Variants in CCSER1 observed in about 807,000 individuals in gnomAD.
The protein encoded by CCSER1 is serine-rich coiled-coil domain-containing protein 1.
A neutral mutation model predicts 82.0 loss-of-function variants in CCSER1; 41 were observed. The ratio of observed to expected loss-of-function variants is 0.50; its 90% confidence interval spans 0.39 to 0.65. The LOEUF is 0.65. Ranked by LOEUF, CCSER1 falls within the 30% of genes least tolerant of loss-of-function variation. The pLI, the probability that CCSER1 is intolerant of heterozygous loss-of-function variation, is 0.00. For synonymous variants in CCSER1, 414 were observed against 383.9 expected (o/e 1.08, Z -0.92); for missense variants, 1,119 against 1,064.2 (o/e 1.05, Z -0.72).
chr4:91,512,802 A>G (rs1759897513), intron 10 of CCSER1, among the ~76,000 whole-genome samples: 1 of 152,138 alleles, frequency 6.6e-6, no homozygotes, highest in East Asian at 1.9e-4. Context: ...CTATTTTTGT[A>G]CATTGATTTT....
At chr4:91,135,299 T>C (rs180773299) in intron 10 of CCSER1, among the ~76,000 whole-genome samples, 4 of 152,192 alleles carry the variant, frequency 2.6e-5, no homozygotes, top group Non-Finnish European at 5.9e-5. Flanking sequence ...GCCATGCTCT[T>C]AAAGAAGTAT....
At chr4:91,192,493 C>T (rs1735085850) in intron 10 of CCSER1, among the ~76,000 whole-genome samples, 1 of 152,144 alleles carries the variant, frequency 6.6e-6, no homozygotes, top group Admixed American at 6.6e-5. Flanking sequence ...AGGAAATTAT[C>T]TATTTTACTT....
At chr4:90,253,980 G>T (rs1277821830) in intron 1 of CCSER1, among the ~76,000 whole-genome samples, 1 of 152,108 alleles carries the variant, frequency 6.6e-6, no homozygotes, top group African/African-American at 2.4e-5. Flanking sequence ...ATTAAATTTA[G>T]GCACCTTTGC....
intron 10 of CCSER1, among the ~76,000 whole-genome samples, chr4:91,297,304 T>C (rs1744259474): frequency 6.6e-6 from 1 of 151,442 alleles, no homozygotes; most frequent in South Asian, 2.1e-4. Flanking sequence ...CAGTAAACAG[T>C]TTCCCCAAAG....
chr4:91,061,096 C>T (rs1743910701), intron 9 of CCSER1, among the ~76,000 whole-genome samples: 1 of 151,922 alleles, frequency 6.6e-6, no homozygotes, highest in South Asian at 2.1e-4. Flanking sequence ...TATGCTCATA[C>T]TCCTAAATAA....
rs115549149 is a variant in CCSER1 at position 91,030,353 on chromosome 4, G to A, written c.2173-55597G>A. On this transcript the variant is annotated intron_variant, in intron 9 of 10. Transcript: ENST00000509176. ...ACTGTATTCAATATAAAAACTACAA[G>A]CACACATAGCTATTGAGCACTTGAA... Among the ~76,000 whole-genome samples, 780 of 152,230 alleles carry A rather than the reference G, an allele frequency of 5.1e-3. 4 individuals carry two copies. Among genetic ancestry groups the A allele is most frequent in the Non-Finnish European group, 7.5e-3 (507 of 68,010 alleles).
intron 6 of CCSER1, among the ~76,000 whole-genome samples, chr4:90,640,331 T>A (rs1056878683): frequency 2.0e-5 from 3 of 152,120 alleles, no homozygotes; most frequent in Non-Finnish European, 2.9e-5. Context: ...ATAATAGATG[T>A]CCTGAGTTTT....
chr4:91,417,487 T>C (rs1753436798), intron 10 of CCSER1, among the ~76,000 whole-genome samples: 3 of 152,168 alleles, frequency 2.0e-5, no homozygotes. Context: ...GTGGTACATA[T>C]ATACCATGGA....
chr4:90,298,682 TGG>T (rs1732491845), intron 1 of CCSER1, among the ~76,000 whole-genome samples: 1 of 152,122 alleles, frequency 6.6e-6, no homozygotes, highest in Non-Finnish European at 1.5e-5. Flanking sequence ...CCAGAGATTC[TGG>T]TATGTTGTGT....
chr4:90,344,237 C>T (rs531452362), intron 3 of CCSER1, among the ~76,000 whole-genome samples: 8 of 152,298 alleles, frequency 5.3e-5, no homozygotes, highest in African/African-American at 1.7e-4. Context: ...TTTTTACAGT[C>T]GAATAGTACT....
In CCSER1 at chr4:91,284,842, A is replaced by C. The variant is rs72670929; in HGVS notation, c.2217+198848A>C. On this transcript the variant is annotated intron_variant, in intron 10 of 10. Transcript: ENST00000509176. Reference sequence around the variant, plus strand: ...TTTTCTTCACTATTGGCAGAAAAAAACATATGAGTTGATGACATTCACTGA... The same window carrying C: ...TTTTCTTCACTATTGGCAGAAAAAACCATATGAGTTGATGACATTCACTGA... 8.8e-3 allele frequency among the ~76,000 whole-genome samples: 1,343 copies of C among 152,236 alleles called. 9 individuals are homozygous for C. The highest frequency in any genetic ancestry group is 0.015 in the Non-Finnish European group (987 of 67,984).
At chr4:90,266,710 G>A (rs1725294369) in intron 1 of CCSER1, among the ~76,000 whole-genome samples, 1 of 151,966 alleles carries the variant, frequency 6.6e-6, no homozygotes, top group Admixed American at 6.6e-5. Flanking sequence ...GAACTCAGCT[G>A]GTACCCATGG....
intron 5 of CCSER1, among the ~76,000 whole-genome samples, chr4:90,502,786 C>A (rs754253722): frequency 3.3e-5 from 5 of 152,150 alleles, no homozygotes; most frequent in African/African-American, 7.2e-5. Context: ...ACACAGAGCT[C>A]TTTTAAAAAT....
chr4:91,353,367 G>T (rs1748610176), intron 10 of CCSER1, among the ~76,000 whole-genome samples: 2 of 152,186 alleles, frequency 1.3e-5, no homozygotes, highest in African/African-American at 4.8e-5. Flanking sequence ...ACAGGGCAGG[G>T]AGTTTCACGA....
At chr4:90,750,377 G>A (rs373332855) in intron 7 of CCSER1, among the ~76,000 whole-genome samples, 3 of 152,070 alleles carry the variant, frequency 2.0e-5, no homozygotes, top group Non-Finnish European at 4.4e-5. Flanking sequence ...GGTGCATGGA[G>A]TACTTTTAGC....
intron 4 of CCSER1, among the ~76,000 whole-genome samples, chr4:90,409,112 A>G (rs1021608782): frequency 1.3e-5 from 2 of 152,220 alleles, no homozygotes; most frequent in African/African-American, 4.8e-5. Flanking sequence ...CAAAGCCTCC[A>G]AGAAATATGG....
chr4:90,620,732 T>A (rs1722160253), intron 5 of CCSER1, among the ~76,000 whole-genome samples: 1 of 152,126 alleles, frequency 6.6e-6, no homozygotes, highest in Non-Finnish European at 1.5e-5. Flanking sequence ...CCCAAAAACA[T>A]AATCTTGTCT....
At chr4:90,479,262 C>G (rs771815148) in intron 5 of CCSER1, among the ~76,000 whole-genome samples, 7 of 152,086 alleles carry the variant, frequency 4.6e-5, no homozygotes, top group Non-Finnish European at 1.0e-4. Flanking sequence ...TTATCACAAT[C>G]AGTACCTCTT....
At chr4:90,631,849 A>T (rs1167328488) in intron 6 of CCSER1, among the ~76,000 whole-genome samples, 4 of 152,208 alleles carry the variant, frequency 2.6e-5, no homozygotes, top group African/African-American at 7.2e-5. Flanking sequence ...TAAAATTATT[A>T]AAAATATTGT....
Sources: allele counts gnomAD v4.1 joint callset (sites outside exome capture counted in the v4.1 genomes callset), GRCh38; gene constraint gnomAD v4.1.1; transcripts MANE v1.5; gene names NCBI Gene and HGNC (gene_info 2026-07-23, HGNC 2026-07-21).